Variants in SLC1A1 observed in about 807,000 individuals in gnomAD.
SLC1A1 encodes the protein excitatory amino acid transporter 3.
SLC1A1 carries 43 observed loss-of-function variants against 53.3 expected under a neutral mutation model. The ratio of observed to expected loss-of-function variants is 0.81; its 90% CI spans 0.63 to 1.04. The LOEUF (loss-of-function observed/expected upper bound fraction) is 1.04. Ranked by LOEUF, SLC1A1 falls within the 50% of genes least tolerant of loss-of-function variation. The probability of loss-of-function intolerance (pLI) is 0.00; values close to 1 mark genes in which losing one functional copy is unlikely to be tolerated. For synonymous variants in SLC1A1, 307 were observed against 243.2 expected, an observed-to-expected ratio of 1.26 and a Z score of -2.44; for missense variants, 748 against 664.9, an observed-to-expected ratio of 1.12 and a Z score of -1.37.
chr9:4,528,542 C>G (rs1260664012), intron 1 of SLC1A1, among the ~76,000 whole-genome samples: 3 of 152,128 alleles, frequency 2.0e-5, no homozygotes, highest in Non-Finnish European at 2.9e-5. Flanking sequence ...CGCCACTGCA[C>G]TCCAGCCTGG....
chr9:4,506,009 A>G (rs1299285330), intron 1 of SLC1A1, among the ~76,000 whole-genome samples: 1 of 152,094 alleles, frequency 6.6e-6, no homozygotes, highest in African/African-American at 2.4e-5. Flanking sequence ...TGTTTTTAGT[A>G]GAGAGGGGGT....
chr9:4,531,247 G>C (rs980191822), intron 1 of SLC1A1, among the ~76,000 whole-genome samples: 2 of 152,236 alleles, frequency 1.3e-5, no homozygotes, highest in African/African-American at 4.8e-5. Flanking sequence ...GTGAGCCGAA[G>C]CAGGGCGAGG....
intron 1 of SLC1A1, among the ~76,000 whole-genome samples, chr9:4,498,953 CAT>C (rs1217161598): frequency 2.8e-5 from 4 of 140,780 alleles, no homozygotes; most frequent in Non-Finnish European, 6.1e-5. Flanking sequence ...ATAATATATA[CAT>C]ATATATTATA....
chr9:4,555,226 G>A (rs1564032027), intron 2 of SLC1A1, among the ~76,000 whole-genome samples: 1 of 152,208 alleles, frequency 6.6e-6, no homozygotes, highest in Non-Finnish European at 1.5e-5. Flanking sequence ...TAACTCCTAT[G>A]CAACAATGAG....
chr9:4,550,078 G>C (rs1042416389), intron 2 of SLC1A1, among the ~76,000 whole-genome samples: 3 of 152,094 alleles, frequency 2.0e-5, no homozygotes, highest in African/African-American at 7.2e-5. Context: ...CTCTCCCCCA[G>C]GCCACTGAGT....
rs557999727 is a variant in SLC1A1, at chr9:4,559,042, T to C, written c.233-2407T>C. On this transcript the variant is annotated intron_variant, in intron 2 of 11. Transcript: ENST00000262352. ...TTAGCAAGCTTACATATTTGTATTATGATTTGCTCTTTCTTTAAGAGACCT... is the reference window on the plus strand; with the variant it reads ...TTAGCAAGCTTACATATTTGTATTACGATTTGCTCTTTCTTTAAGAGACCT... 1.6e-4 allele frequency among the ~76,000 whole-genome samples: 24 copies of C among 152,340 alleles called. No individual in the cohort carries two copies. In the South Asian group the frequency reaches 5.0e-3, roughly 32 times the overall value.
intron 1 of SLC1A1, among the ~76,000 whole-genome samples, chr9:4,497,136 T>A (rs112299263): frequency 4.4e-5 from 1 of 22,652 alleles, no homozygotes; most frequent in African/African-American, 6.6e-5. Context: ...AAAACAGAAA[T>A]TTTTTTTTGA....
At chr9:4,490,832 G>C in intron 1 of SLC1A1, 62 bp downstream of exon 1, 1 of 1,414,014 alleles carries the variant, frequency 7.1e-7, no homozygotes, top group South Asian at 1.2e-5. Flanking sequence ...CCCAGGCCGC[G>C]TGCGGCTGAG....
Position 4,549,494 on chromosome 9 carries a change from C to T in SLC1A1, c.232+4787C>T, listed in dbSNP as rs1008283960. ...CTGCTCCCTGAAGGGGCTCCCAGGG[C>T]CTCTTAACAGGGATGCCCCTCTGCT... On this transcript the variant is annotated intron_variant, in intron 2 of 11. Transcript: ENST00000262352. The surrounding 1 kb of genome is among the most constrained non-coding windows in gnomAD (Gnocchi z 4.1). Among the ~76,000 whole-genome samples, 1 of 152,144 alleles carries T rather than the reference C, an allele frequency of 6.6e-6. No individual in the cohort carries two copies. Among genetic ancestry groups the T allele is most frequent in the African/African-American group, 2.4e-5 (1 of 41,422 alleles).
rs759887327 is a variant in SLC1A1, at chr9:4,566,084, C to T, written c.478C>T (p.Gln160Ter). ...TGAGAATCTTGTCCAGGCCTGTTTT[C>T]AGCAGGTAATATTAATTACTTGTGC... ...FPENLVQACF[Q>*]QYKTKREEVK... Residue 160 changes from glutamine (Q) to a stop codon, truncating the protein, a stop_gained, in exon 5 of 12, where the codon CAG becomes TAG. Transcript: ENST00000262352. LOFTEE classifies it high-confidence loss of function. 6 of 1,612,220 alleles carry T rather than the reference C, an allele frequency of 3.7e-6. No homozygotes were observed.
chr9:4,555,401 G>A (rs1818280515), intron 2 of SLC1A1, among the ~76,000 whole-genome samples: 1 of 152,192 alleles, frequency 6.6e-6, no homozygotes, highest in South Asian at 2.1e-4. Context: ...AGAGCTCTAG[G>A]AGGAGTCTTT....
chr9:4,522,187 G>A (rs1244487343), intron 1 of SLC1A1, among the ~76,000 whole-genome samples: 1 of 151,614 alleles, frequency 6.6e-6, no homozygotes, highest in Non-Finnish European at 1.5e-5. Context: ...GAGTAGCTGG[G>A]ACTACAGGCG....
intron 1 of SLC1A1, among the ~76,000 whole-genome samples, chr9:4,532,312 GA>G (rs896363180): frequency 2.0e-5 from 3 of 151,162 alleles, no homozygotes; most frequent in East Asian, 3.9e-4. Context: ...TAAAAACCTT[GA>G]AAAAAAAATT....
At position 4,567,742 on chromosome 9, in the gene SLC1A1, C is replaced by A; in HGVS notation, c.557C>A (p.Ala186Asp). ...EMNMTEESFTAVMTTAISKNK... is the reference protein window; with the variant it reads ...EMNMTEESFTDVMTTAISKNK... ...AACATGACAGAAGAGTCCTTCACAG[C>A]TGTCATGACAACTGCAATTTCCAAG... The change falls in exon 6 of 12, where the codon GCT becomes GAT. Residue 186 changes from alanine to aspartate, a missense_variant. Coordinates refer to ENST00000262352, the MANE Select transcript of SLC1A1 (RefSeq NM_004170.6). 6.2e-7 allele frequency: 1 copy of A among 1,610,846 alleles called. No individual in the cohort carries two copies. Among genetic ancestry groups the A allele is most frequent in the Non-Finnish European group, 8.5e-7 (1 of 1,177,166 alleles).
At chr9:4,498,660 T>C (rs1048512357) in intron 1 of SLC1A1, among the ~76,000 whole-genome samples, 19 of 151,832 alleles carry the variant, frequency 1.3e-4, no homozygotes, top group Admixed American at 4.6e-4. Context: ...AGTTTAGTCA[T>C]ATATATTTAA....
intron 1 of SLC1A1, among the ~76,000 whole-genome samples, chr9:4,540,734 C>G (rs1000812877): frequency 6.6e-6 from 1 of 152,166 alleles, no homozygotes. Context: ...ATCCAGCACC[C>G]GTGCACTGCA....
intron 1 of SLC1A1, among the ~76,000 whole-genome samples, chr9:4,507,849 G>A (rs1049695251): frequency 3.3e-5 from 5 of 152,296 alleles, no homozygotes; most frequent in Admixed American, 6.5e-5. Context: ...CTGCAGGAGA[G>A]ATGGTCAGAT....
At chr9:4,502,204 T>C (rs1479721754) in intron 1 of SLC1A1, among the ~76,000 whole-genome samples, 1 of 151,104 alleles carries the variant, frequency 6.6e-6, no homozygotes, top group Non-Finnish European at 1.5e-5. Context: ...CTGGGCAACA[T>C]GGTGACACCT....
At chr9:4,495,203 C>T (rs971352879) in intron 1 of SLC1A1, among the ~76,000 whole-genome samples, 4 of 152,094 alleles carry the variant, frequency 2.6e-5, no homozygotes, top group African/African-American at 4.8e-5. Flanking sequence ...GGCCCAGCGG[C>T]GGTTCACGCT....
Sources: gnomAD v4.1 joint callset for allele counts (sites outside exome capture counted in the v4.1 genomes callset) on GRCh38, gnomAD v4.1.1 for gene constraint, Gnocchi (gnomAD v3.1) non-coding constraint, MANE v1.5 for transcripts, NCBI Gene and HGNC (gene_info 2026-07-23, HGNC 2026-07-21) for gene names.